NT5DC1: variants seen among roughly 807,000 people sequenced by gnomAD.
NT5DC1 encodes 5'-nucleotidase domain containing 1, also known as 5'-nucleotidase domain-containing protein 1.
NT5DC1 carries 42 observed loss-of-function variants against 59.4 expected under a neutral mutation model. That is an observed-to-expected ratio of 0.71 (90% confidence interval 0.55 to 0.92). The LOEUF is 0.92. Ranked by LOEUF, NT5DC1 falls within the 40% of genes least tolerant of loss-of-function variation. The pLI, the probability that NT5DC1 is intolerant of heterozygous loss-of-function variation, is 0.00. For missense variants in NT5DC1, 501 were observed against 537.1 expected, an observed-to-expected ratio of 0.93 and a Z score of 0.66; for synonymous variants, 172 against 188.1, an observed-to-expected ratio of 0.91 and a Z score of 0.70.
chr6:116,221,325 T>C (rs1161349428), intron 7 of NT5DC1, 97 bp downstream of exon 7: 10 of 723,394 alleles, frequency 1.4e-5, no homozygotes, highest in Non-Finnish European at 2.1e-5. Context: ...ACCATATCAT[T>C]ATTTTAAACA....
At chr6:116,120,581 G>A (rs1283941644) in intron 6 of NT5DC1, 2 of 1,592,908 alleles carry the variant, frequency 1.3e-6, no homozygotes, top group East Asian at 2.2e-5. Context: ...TGGGCCTGGA[G>A]GCCCAGGGGG....
intron 8 of NT5DC1, 23 bp from the exon 9 acceptor site, chr6:116,236,943 T>C: frequency 6.9e-7 from 1 of 1,445,484 alleles, no homozygotes; most frequent in Non-Finnish European, 9.7e-7. Flanking sequence ...AAAAAGTATA[T>C]GATTGTCAAA....
intron 6 of NT5DC1, among the ~76,000 whole-genome samples, chr6:116,212,539 T>A (rs1465889633): frequency 6.6e-6 from 1 of 152,140 alleles, no homozygotes; most frequent in African/African-American, 2.4e-5. Context: ...AGAAAAGATA[T>A]TTCTGAAGAA....
At chr6:116,174,051 C>T (rs1049154385) in intron 6 of NT5DC1, among the ~76,000 whole-genome samples, 1 of 152,128 alleles carries the variant, frequency 6.6e-6, no homozygotes, top group African/African-American at 2.4e-5. Flanking sequence ...GATGGTTTTC[C>T]ATGACTAGAC....
At chr6:116,204,225 T>G (rs1562163428) in intron 6 of NT5DC1, among the ~76,000 whole-genome samples, 1 of 151,982 alleles carries the variant, frequency 6.6e-6, no homozygotes, top group Non-Finnish European at 1.5e-5. Context: ...GTTTGTTGAA[T>G]TTTTATAATA....
At chr6:116,160,613 C>T (rs1376508846) in intron 6 of NT5DC1, among the ~76,000 whole-genome samples, 1 of 152,100 alleles carries the variant, frequency 6.6e-6, no homozygotes, top group Non-Finnish European at 1.5e-5. Flanking sequence ...CAGAAAAACT[C>T]TTTAGTTTAA....
chr6:116,125,739 C>A, intron 6 of NT5DC1: 2 of 344,132 alleles, frequency 5.8e-6, no homozygotes, highest in Non-Finnish European at 5.4e-6. Context: ...AATGATTTAC[C>A]TAAAGGAAAA....
At chr6:116,203,954 G>A (rs973667126) in intron 6 of NT5DC1, among the ~76,000 whole-genome samples, 3 of 151,688 alleles carry the variant, frequency 2.0e-5, no homozygotes, top group African/African-American at 4.8e-5. Context: ...AGTTTTAGAC[G>A]ACAGATGCCC....
chr6:116,123,478 C>T (rs1043868856), intron 6 of NT5DC1, among the ~76,000 whole-genome samples: 2 of 152,204 alleles, frequency 1.3e-5, no homozygotes, highest in African/African-American at 2.4e-5. Context: ...AAACTGAAAT[C>T]GTGATTGGTT....
chr6:116,112,872 A>G (rs1429335928), intron 4 of NT5DC1, among the ~76,000 whole-genome samples: 2 of 152,238 alleles, frequency 1.3e-5, no homozygotes, highest in Non-Finnish European at 2.9e-5. Flanking sequence ...TTATATTTGT[A>G]GCTTTCTTCT....
intron 7 of NT5DC1, 123 bp downstream of exon 7, chr6:116,221,351 T>C (rs1781801170): frequency 3.2e-6 from 2 of 624,676 alleles, no homozygotes; most frequent in Admixed American, 2.7e-5. Context: ...GAGTGACAAG[T>C]TGATTTTTTT....
At chr6:116,220,053 G>A (rs980224351) in intron 6 of NT5DC1, among the ~76,000 whole-genome samples, 1 of 148,850 alleles carries the variant, frequency 6.7e-6, no homozygotes, top group Non-Finnish European at 1.5e-5. Flanking sequence ...GTTTCACACT[G>A]GAGAGAGTCA....
At chr6:116,179,597 T>A (rs566184412) in intron 6 of NT5DC1, among the ~76,000 whole-genome samples, 1 of 152,188 alleles carries the variant, frequency 6.6e-6, no homozygotes, top group Admixed American at 6.5e-5. Flanking sequence ...TTTTTAAAAA[T>A]TAACCTACTG....
chr6:116,152,490 C>T (rs982423238), intron 6 of NT5DC1, among the ~76,000 whole-genome samples: 3 of 152,096 alleles, frequency 2.0e-5, no homozygotes, highest in Admixed American at 2.0e-4. Flanking sequence ...TCTACCCCAC[C>T]GTGCCAGAGA....
chr6:116,126,837 C>G (rs1232399199), intron 6 of NT5DC1, among the ~76,000 whole-genome samples: 2 of 152,030 alleles, frequency 1.3e-5, no homozygotes, highest in Non-Finnish European at 2.9e-5. Context: ...AATTTTCAAA[C>G]TTTGCTTTCA....
rs1183724318 is a variant in NT5DC1, at chr6:116,100,909, C to T, written c.-22C>T. ...TTGCACCCTTCGCGGCCGAGGCGCT[C>T]CCTGGTGCTCCCCGCGCAGCCATGG... On this transcript the variant is annotated 5_prime_UTR_variant, in exon 1 of 12. Transcript: ENST00000319550. 4 of 1,582,722 alleles carry T rather than the reference C, an allele frequency of 2.5e-6. No homozygotes were observed. Among genetic ancestry groups the T allele is most frequent in the Non-Finnish European group, 2.6e-6 (3 of 1,165,210 alleles).
chr6:116,151,997 C>T (rs1780053839), intron 6 of NT5DC1, among the ~76,000 whole-genome samples: 1 of 152,132 alleles, frequency 6.6e-6, no homozygotes, highest in Non-Finnish European at 1.5e-5. Flanking sequence ...AAGCTAATGA[C>T]TAAGCTAATT....
Position 116,114,532 on chromosome 6 carries a change from G to T in NT5DC1, c.365-1159G>T, listed in dbSNP as rs1026359438. 5.1e-5 allele frequency among the ~76,000 whole-genome samples: 5 copies of T among 98,194 alleles called. 1 individual carries two copies. The highest frequency in any genetic ancestry group is 8.0e-5 in the African/African-American group (2 of 24,912). 64.4% of individuals were successfully genotyped at this position (98,194 alleles called of 152,430 possible). ...CTCATATACATAGCTTGCAAATTGG[G>T]GGGAGGGGGGGGGAGTCAAAATCAG... On this transcript the variant is annotated intron_variant, in intron 4 of 11. Transcript: ENST00000319550.
chr6:116,242,148 A>G (rs1313744971), intron 11 of NT5DC1, among the ~76,000 whole-genome samples: 2 of 151,858 alleles, frequency 1.3e-5, no homozygotes, highest in Non-Finnish European at 2.9e-5. Flanking sequence ...AGGCGGGCGG[A>G]TCACGAGGTC....
Sources: allele counts gnomAD v4.1 joint callset (sites outside exome capture counted in the v4.1 genomes callset), GRCh38; gene constraint gnomAD v4.1.1; transcripts MANE v1.5; gene names NCBI Gene and HGNC (gene_info 2026-07-23, HGNC 2026-07-21).